The following TOPBP1 variants were observed in gnomAD, a reference collection of about 807,000 sequenced individuals.
TOPBP1 encodes the protein DNA topoisomerase 2-binding protein 1.
Under a neutral mutation model 167.7 loss-of-function variants are expected in TOPBP1, and 28 were observed. The ratio of observed to expected loss-of-function variants is 0.17; its 90% CI spans 0.12 to 0.23. The LOEUF (loss-of-function observed/expected upper bound fraction) is 0.23, where lower values mean the gene tolerates loss of function less well. TOPBP1 is among the 10% of genes least tolerant of loss of function. The probability of loss-of-function intolerance (pLI) is 1.00; values close to 1 mark genes in which losing one functional copy is unlikely to be tolerated. For missense variants in TOPBP1, 1,554 were observed against 1,809.6 expected, an observed-to-expected ratio of 0.86 and a Z score of 2.56; for synonymous variants, 598 against 611.4, an observed-to-expected ratio of 0.98 and a Z score of 0.32.
intron 21 of TOPBP1, 42 bp from the exon 22 acceptor site, chr3:133,617,368 A>G: frequency 6.6e-7 from 1 of 1,512,392 alleles, no homozygotes; most frequent in Non-Finnish European, 8.8e-7. Flanking sequence ...GATCCAAATA[A>G]GACTAAAAAC....
At position 133,655,384 on chromosome 3, in the gene TOPBP1, T is replaced by C; in HGVS notation, c.648A>G (p.Lys216=). ...CVTGLCGLDR[K]EVQQLTVKHG... ...GCTTAACTGTGAGTTGCTGAACTTCTTTCCTGTCTAAGCCACATAAGCCAG... is the reference window on the plus strand; with the variant it reads ...GCTTAACTGTGAGTTGCTGAACTTCCTTCCTGTCTAAGCCACATAAGCCAG... The change falls in exon 6 of 28, where the codon AAA becomes AAG. Residue 216 remains lysine, a synonymous_variant. Coordinates refer to ENST00000260810, the MANE Select transcript of TOPBP1 (RefSeq NM_007027.4). The C allele has an allele frequency of 6.2e-7, 1 of 1,608,264 alleles. No homozygotes were observed. The highest frequency in any genetic ancestry group is 8.5e-7 in the Non-Finnish European group (1 of 1,177,392).
chr3:133,652,719 G>A, intron 7 of TOPBP1, 90 bp from the exon 8 acceptor site: 1 of 1,093,514 alleles, frequency 9.1e-7, no homozygotes, highest in Non-Finnish European at 1.3e-6. Context: ...ACAAATATAG[G>A]GCAATAAACA....
chr3:133,656,820 C>A lies in TOPBP1; in HGVS notation c.401G>T (p.Arg134Leu). 1.2e-6 allele frequency: 2 copies of A among 1,601,812 alleles called. No homozygotes were observed. Among genetic ancestry groups the A allele is most frequent in the South Asian group, 1.1e-5 (1 of 88,456 alleles). The change falls in exon 5 of 28, where the codon CGA (arginine) becomes CTA (leucine). Residue 134 changes from arginine to leucine, a missense_variant. Arg to Leu is a moderately radical substitution (Grantham distance 102). Coordinates refer to ENST00000260810, the MANE Select transcript of TOPBP1 (RefSeq NM_007027.4). ...TGATACATTAAGGTCTCTGTATACT[C>A]GTCCGCCCATCATTTGTACATATTT... ...VHKYVQMMGG[R>L]VYRDLNVSVT...
rs2107788644 is a variant in TOPBP1, at chr3:133,623,913, G to A, written c.2928+139C>T. On this transcript the variant is annotated intron_variant, in intron 17 of 27. Coordinates refer to ENST00000260810, the MANE Select transcript of TOPBP1 (RefSeq NM_007027.4). ...GTTAAGTTTTTGATGCCAAAGATCTGAAATGTGTACAGTTAACCAAGACTA... is the reference window on the plus strand; with the variant it reads ...GTTAAGTTTTTGATGCCAAAGATCTAAAATGTGTACAGTTAACCAAGACTA... 3 of 1,052,540 alleles carry A rather than the reference G, an allele frequency of 2.9e-6. No homozygotes were observed. The East Asian group carries it at 8.3e-5, about 29-fold the overall frequency. 65.2% of individuals were successfully genotyped at this position (1,052,540 alleles called of 1,614,324 possible).
At position 133,624,100 on chromosome 3, in the gene TOPBP1, AG is replaced by A; in HGVS notation, c.2879del (p.Ser960LeufsTer2). The A allele has an allele frequency of 6.2e-7, 1 of 1,613,874 alleles. No homozygotes were observed. The highest frequency in any genetic ancestry group is 8.5e-7 in the Non-Finnish European group (1 of 1,179,824). On this transcript the variant is annotated frameshift_variant, in exon 17 of 28. Transcript: ENST00000260810. LOFTEE classifies it high-confidence loss of function. The part of the protein sequence containing the change: ...RPNDTNREYK[S>X]VKERGVHIVS... ...CAATGTGTACTCCTCTTTCTTTTACAGATTTATACTCCCGATTAGTGTCATT... is the reference window on the plus strand; with the variant it reads ...CAATGTGTACTCCTCTTTCTTTTACAATTTATACTCCCGATTAGTGTCATT...
chr3:133,626,159 G>A (rs1935260669), intron 16 of TOPBP1, among the ~76,000 whole-genome samples: 1 of 152,242 alleles, frequency 6.6e-6, no homozygotes, highest in Non-Finnish European at 1.5e-5. Flanking sequence ...TGTCTTGTAT[G>A]TGAAAGCAGT....
chr3:133,655,520 T>A, intron 5 of TOPBP1, 34 bp from the exon 6 acceptor site: 2 of 1,166,804 alleles, frequency 1.7e-6, no homozygotes, highest in Non-Finnish European at 2.3e-6. Context: ...AAGAACATAT[T>A]AAATTTACCA....
At chr3:133,644,773 G>A (rs1936022695) in intron 10 of TOPBP1, among the ~76,000 whole-genome samples, 1 of 152,060 alleles carries the variant, frequency 6.6e-6, no homozygotes, top group South Asian at 2.1e-4. Context: ...ATGTTAACAT[G>A]GAAATAACTA....
At chr3:133,655,091 G>A (rs900027920) in intron 6 of TOPBP1, among the ~76,000 whole-genome samples, 199 bp downstream of exon 6, 7 of 152,040 alleles carry the variant, frequency 4.6e-5, no homozygotes, top group Admixed American at 1.3e-4. Context: ...CTGTAATCCC[G>A]CTACTCGGGA....
rs1029038444 is a variant in TOPBP1 at position 133,605,734 on chromosome 3, C to T, written c.4425+2801G>A. Among the ~76,000 whole-genome samples, 8 of 152,276 alleles carry T rather than the reference C, an allele frequency of 5.3e-5. No individual in the cohort carries two copies. In the East Asian group the frequency reaches 9.6e-4, roughly 18 times the overall value. On this transcript the variant is annotated intron_variant, in intron 27 of 27. Transcript: ENST00000260810. ...AAGACAAGGAGGCCCAATCTCACCA[C>T]TTCTATTCAGCAGCATACTTGAGGT...
At chr3:133,618,155 T>C (rs60695717) in intron 21 of TOPBP1, 58 bp downstream of exon 21, 90,073 of 1,416,442 alleles carry the variant, frequency 0.064, 3,158 homozygotes, top group Middle Eastern at 0.097. Flanking sequence ...ATCTGTTTAT[T>C]TTTAAGAGGT....
In TOPBP1 at chr3:133,657,930, T is replaced by C; in HGVS notation, c.231A>G (p.Arg77=). The C allele has an allele frequency of 6.4e-7, 1 of 1,560,160 alleles. No individual in the cohort carries two copies. ...VFDHLKKLGC[R]IVGPQVVIFC... The stretch of plus-strand genomic sequence containing the variant: ...ATATGACTACTTGAGGACCAACAAT[T>C]CTGCAGCCAAGCTACAAAAAAGAGA... Residue 77 remains arginine, a synonymous_variant, in exon 4 of 28, where the codon AGA becomes AGG. Transcript: ENST00000260810.
At chr3:133,635,958 T>C (rs1179383834) in intron 14 of TOPBP1, among the ~76,000 whole-genome samples, 2 of 151,916 alleles carry the variant, frequency 1.3e-5, no homozygotes, top group East Asian at 3.9e-4. Context: ...TATATTTGCA[T>C]GCAGCAAAAC....
At chr3:133,632,764 C>T (rs1425392284) in intron 14 of TOPBP1, among the ~76,000 whole-genome samples, 4 of 151,986 alleles carry the variant, frequency 2.6e-5, no homozygotes, top group African/African-American at 9.7e-5. Flanking sequence ...GTTACACTGG[C>T]ATATAGTTAT....
Position 133,649,922 on chromosome 3 carries a change from C to A in TOPBP1, c.1111G>T (p.Gly371Cys). The A allele has an allele frequency of 1.3e-6, 2 of 1,598,316 alleles. No homozygotes were observed. Among genetic ancestry groups the A allele is most frequent in the African/African-American group, 1.3e-5 (1 of 74,370 alleles). ...GCRIYLCGFS[G>C]RKLDKLRRLI... Reference sequence around the variant, plus strand: ...CTTCTCAGTTTATCTAGCTTTCTGCCACTAAAACCGCAAAGATATATCTGC... The same window carrying A: ...CTTCTCAGTTTATCTAGCTTTCTGCAACTAAAACCGCAAAGATATATCTGC... Residue 371 changes from glycine (G) to cysteine (C), a missense_variant, in exon 9 of 28, where the codon GGC (glycine) becomes TGC (cysteine). By Grantham distance (159) the Gly-to-Cys change is radical. Around this residue, in one of 3 missense-constraint regions of TOPBP1, gnomAD observed 1,197 missense variants for 1,351.5 expected, o/e 0.89. Transcript: ENST00000260810.
At chr3:133,634,838 C>A (rs567281461) in intron 14 of TOPBP1, among the ~76,000 whole-genome samples, 1 of 152,210 alleles carries the variant, frequency 6.6e-6, no homozygotes, top group South Asian at 2.1e-4. Context: ...CTTCATCCTA[C>A]CAAAAGTGAC....
intron 16 of TOPBP1, 73 bp from the exon 17 acceptor site, chr3:133,624,248 C>T: frequency 6.5e-7 from 1 of 1,534,328 alleles, no homozygotes; most frequent in Non-Finnish European, 8.9e-7. Flanking sequence ...TTCTTATTTA[C>T]TGTGAACAGA....
rs1934662240 is a variant in TOPBP1, at chr3:133,611,144, A to G, written c.4036-3T>C. 1 of 1,608,470 alleles carries G rather than the reference A, an allele frequency of 6.2e-7. No individual in the cohort carries two copies. The highest frequency in any genetic ancestry group is 8.5e-7 in the Non-Finnish European group (1 of 1,176,872). On this transcript the variant is annotated splice_region_variant and splice_polypyrimidine_tract_variant and intron_variant, in intron 24 of 27. Coordinates refer to ENST00000260810, the MANE Select transcript of TOPBP1 (RefSeq NM_007027.4). ...CTTCCCCATTCATAGTCTTCTTCCT[A>G]GAGAATTTGTCCAACAAACCTGAGT...
chr3:133,642,466 G>T (rs1935922565), intron 12 of TOPBP1, among the ~76,000 whole-genome samples: 1 of 152,136 alleles, frequency 6.6e-6, no homozygotes, highest in Admixed American at 6.5e-5. Context: ...TGCCAGAGTT[G>T]TACTAAAGTC....
Sources: allele counts gnomAD v4.1 joint callset (sites outside exome capture counted in the v4.1 genomes callset), GRCh38; gene constraint gnomAD v4.1.1; regional missense constraint gnomAD v4.1.1; transcripts MANE v1.5; gene names NCBI Gene and HGNC (gene_info 2026-07-23, HGNC 2026-07-21).